Variants in MRLN observed in about 807,000 individuals in gnomAD.
MRLN encodes Linc-RNA activator of myogenesis.
At chr10:59,749,152 G>T (rs576995369) in intron 1 of MRLN, among the ~76,000 whole-genome samples, 34 of 152,300 alleles carry the variant, frequency 2.2e-4, no homozygotes, top group Non-Finnish European at 4.1e-4. Flanking sequence ...GTGGGGGGTT[G>T]AAAGGACTTT....
intron 1 of MRLN, among the ~76,000 whole-genome samples, chr10:59,742,758 T>G (rs543584664): frequency 4.7e-4 from 71 of 151,902 alleles, no homozygotes; most frequent in African/African-American, 1.7e-3. Context: ...TTCGAGAGTC[T>G]CACTCTGTAT....
intron 1 of MRLN, among the ~76,000 whole-genome samples, chr10:59,752,021 G>A (rs535933100): frequency 2.6e-5 from 4 of 152,296 alleles, no homozygotes; most frequent in South Asian, 2.1e-4. Flanking sequence ...GAGCACATAC[G>A]TTTATGGAAA....
intron 1 of MRLN, among the ~76,000 whole-genome samples, chr10:59,744,627 A>G (rs998790179): frequency 2.0e-5 from 3 of 152,196 alleles, no homozygotes; most frequent in African/African-American, 7.2e-5. Context: ...CAGCTCATTG[A>G]AAACGGGCCA....
intron 1 of MRLN, among the ~76,000 whole-genome samples, chr10:59,752,461 A>T (rs2070168371): frequency 6.6e-6 from 1 of 152,224 alleles, no homozygotes; most frequent in South Asian, 2.1e-4. Context: ...AGAGTGGTTG[A>T]GTACTTTCTT....
intron 1 of MRLN, among the ~76,000 whole-genome samples, chr10:59,750,982 G>T (rs187050913): frequency 6.6e-6 from 1 of 152,230 alleles, no homozygotes; most frequent in Non-Finnish European, 1.5e-5. Flanking sequence ...GAATGGAGGG[G>T]AGTGGGGAAA....
intron 1 of MRLN, chr10:59,738,927 C>T (rs1840951571): frequency 2.0e-5 from 3 of 152,026 alleles, no homozygotes; most frequent in Admixed American, 1.3e-4. Flanking sequence ...CGAGACCAGC[C>T]TGACCAATAT....
intron 1 of MRLN, chr10:59,739,617 G>C (rs970554688): frequency 1.3e-5 from 2 of 152,132 alleles, no homozygotes; most frequent in Non-Finnish European, 2.9e-5. Context: ...CCATGGATCT[G>C]GAGGGCCAAC....
In MRLN at chr10:59,737,217, C is replaced by T; in HGVS notation, c.-17G>A. ...ACCAGTCATATCCAGAATTATCCCG[C>T]TCCCTAGGAAAAAAGAGAAAAGTAT... On this transcript the variant is annotated 5_prime_UTR_variant, in exon 3 of 3. Transcript: ENST00000414264. The T allele has an allele frequency of 2.5e-6, 1 of 396,274 alleles. No individual in the cohort carries two copies. Among genetic ancestry groups the T allele is most frequent in the Non-Finnish European group, 4.5e-6 (1 of 224,188 alleles). The allele number at this position is 396,274 out of a possible 1,614,324, so 24.5% of individuals were successfully genotyped here. A position where few individuals can be genotyped will look rare whatever the true frequency, so the allele number is the denominator to read the frequency against.
chr10:59,746,019 TTTA>T (rs1196580035), intron 1 of MRLN, among the ~76,000 whole-genome samples: 3 of 152,324 alleles, frequency 2.0e-5, no homozygotes, highest in East Asian at 3.9e-4. Context: ...AACATTTCTC[TTTA>T]TTAAGTGTGG....
chr10:59,742,921 G>A (rs527325097), intron 1 of MRLN, among the ~76,000 whole-genome samples: 4 of 152,028 alleles, frequency 2.6e-5, no homozygotes, highest in African/African-American at 9.6e-5. Flanking sequence ...GTAGAGACAG[G>A]GTCTCACTAT....
chr10:59,748,077 A>G (rs964953226), intron 1 of MRLN, among the ~76,000 whole-genome samples: 5 of 150,910 alleles, frequency 3.3e-5, no homozygotes, highest in Non-Finnish European at 7.4e-5. Flanking sequence ...TGTCTTATTA[A>G]TGCTTTTTCT....
chr10:59,753,067 C>A (rs1030953894), intron 1 of MRLN, among the ~76,000 whole-genome samples: 1 of 152,164 alleles, frequency 6.6e-6, no homozygotes, highest in African/African-American at 2.4e-5. Context: ...GTTTAAATAT[C>A]GTTAATCCTT....
intron 1 of MRLN, chr10:59,744,238 C>T (rs1160691849): frequency 6.3e-6 from 1 of 158,324 alleles, no homozygotes; most frequent in African/African-American, 2.4e-5. Flanking sequence ...GCCCGGCCAC[C>T]CATTGTCTAG....
intron 1 of MRLN, among the ~76,000 whole-genome samples, chr10:59,751,245 T>C (rs1456439677): frequency 6.6e-6 from 1 of 152,176 alleles, no homozygotes; most frequent in African/African-American, 2.4e-5. Flanking sequence ...AGAAATGATA[T>C]CTCTAGCATT....
intron 1 of MRLN, among the ~76,000 whole-genome samples, chr10:59,740,795 TC>T (rs1162255156): frequency 6.6e-6 from 1 of 151,320 alleles, no homozygotes; most frequent in Non-Finnish European, 1.5e-5. Context: ...TTTCTTTCTT[TC>T]TTTCTTTCTT....
At chr10:59,750,271 A>G (rs1284929730) in intron 1 of MRLN, among the ~76,000 whole-genome samples, 1 of 151,922 alleles carries the variant, frequency 6.6e-6, no homozygotes, top group African/African-American at 2.4e-5. Context: ...GGGTTTCACC[A>G]TGTTGGACAG....
chr10:59,746,227 T>A (rs1166311151), intron 1 of MRLN, among the ~76,000 whole-genome samples: 1 of 152,170 alleles, frequency 6.6e-6, no homozygotes, highest in Non-Finnish European at 1.5e-5. Context: ...GTTAAGATAA[T>A]ATTGATAGAA....
At chr10:59,741,041 G>A (rs1017945669) in intron 1 of MRLN, among the ~76,000 whole-genome samples, 2 of 152,054 alleles carry the variant, frequency 1.3e-5, no homozygotes, top group Non-Finnish European at 2.9e-5. Flanking sequence ...GAGGTGATCC[G>A]TCTGCTTCAG....
At chr10:59,751,674 A>AAC (rs1841104562) in intron 1 of MRLN, among the ~76,000 whole-genome samples, 2 of 150,750 alleles carry the variant, frequency 1.3e-5, no homozygotes, top group Admixed American at 1.3e-4. Flanking sequence ...TGTCTCAAAA[A>AAC]AAAAAAAAAA....
Sources: allele counts gnomAD v4.1 joint callset (sites outside exome capture counted in the v4.1 genomes callset), GRCh38; gene constraint gnomAD v4.1.1; transcripts MANE v1.5; gene names NCBI Gene and HGNC (gene_info 2026-07-23, HGNC 2026-07-21).